STAG3: variants seen among roughly 807,000 people sequenced by gnomAD.
The protein encoded by STAG3 is STAG3 cohesin complex component, also known as cohesin subunit SA-3.
Under a neutral mutation model 160.7 loss-of-function variants are expected in STAG3, and 101 were observed. The ratio of observed to expected loss-of-function variants is 0.63; its 90% CI spans 0.54 to 0.74. STAG3 has a LOEUF of 0.74. STAG3 is among the 30% of genes least tolerant of loss of function. The pLI, the probability that STAG3 is intolerant of heterozygous loss-of-function variation, is 0.00. For missense variants in STAG3, 1,188 were observed against 1,517.4 expected (o/e 0.78, Z 3.61); for synonymous variants, 519 against 585.0 (o/e 0.89, Z 1.63).
At chr7:100,180,115 G>C (rs1050570954) in intron 1 of STAG3, among the ~76,000 whole-genome samples, 5 of 152,044 alleles carry the variant, frequency 3.3e-5, no homozygotes, top group African/African-American at 1.2e-4. Flanking sequence ...GAGTACAGTG[G>C]TGCGATCGTA....
chr7:100,177,839 C>G (rs996677086), upstream of STAG3: 1 of 152,396 alleles, frequency 6.6e-6, no homozygotes, highest in Non-Finnish European at 1.5e-5. Flanking sequence ...TCGCACACTT[C>G]CAAACCTCGC....
In STAG3 at chr7:100,202,509, C is replaced by T; in HGVS notation, c.2619C>T (p.Leu873=). ...QIERLHQRRR[L]LAGFCKLLLY... ...AGCGGCTACACCAGCGGCGCCGCCT[C>T]CTAGCCGGGTTCTGCAAGCTGTTGC... The change falls in exon 25 of 34, where the codon CTC becomes CTT. Residue 873 remains leucine (L), a synonymous_variant. Coordinates refer to ENST00000615138, the MANE Select transcript of STAG3 (RefSeq NM_001282717.2). The T allele has an allele frequency of 1.2e-6, 2 of 1,614,178 alleles. No individual in the cohort carries two copies. Among genetic ancestry groups the T allele is most frequent in the Non-Finnish European group, 1.7e-6 (2 of 1,180,036 alleles).
At chr7:100,199,414 G>A in intron 15 of STAG3, 47 bp downstream of exon 15, 1 of 1,577,314 alleles carries the variant, frequency 6.3e-7, no homozygotes, top group Non-Finnish European at 8.7e-7. Context: ...ACCCCCTAGG[G>A]TGAAACTGGG....
rs551702794 is a variant in STAG3 at position 100,200,534 on chromosome 7, T to A, written c.1852T>A (p.Leu618Met). Reference protein sequence around the residue: ...FDLHIYCTGRLEKHLELFLQQ... With the variant: ...FDLHIYCTGRMEKHLELFLQQ... ...CCTCCACATCTACTGCACTGGGCGC[T>A]TGGAGAAGGTAGGGAGATAGATTTC... Residue 618 changes from leucine to methionine, a missense_variant, in exon 18 of 34, where the codon TTG becomes ATG. Physicochemically the swap from Leu to Met is conservative, Grantham distance 15. Coordinates refer to ENST00000615138, the MANE Select transcript of STAG3 (RefSeq NM_001282717.2). 1.9e-6 allele frequency: 3 copies of A among 1,613,982 alleles called. No individual in the cohort carries two copies. The African/African-American group carries it at 4.0e-5, about 22-fold the overall frequency.
At chr7:100,198,681 G>A in intron 13 of STAG3, 99 bp downstream of exon 13, 1 of 1,307,502 alleles carries the variant, frequency 7.6e-7, no homozygotes, top group Non-Finnish European at 1.1e-6. Context: ...CTCTGTGAAA[G>A]TCTCCCTGGT....
chr7:100,210,835 G>A (rs767526192), intron 29 of STAG3, among the ~76,000 whole-genome samples, 176 bp from the exon 30 acceptor site: 1 of 152,174 alleles, frequency 6.6e-6, no homozygotes, highest in Non-Finnish European at 1.5e-5. Context: ...GGTACATAGG[G>A]CTATGTATTT....
At chr7:100,215,331 T>C (rs1458630760), downstream of STAG3, among the ~76,000 whole-genome samples, 12 of 152,270 alleles carry the variant, frequency 7.9e-5, no homozygotes, top group East Asian at 1.4e-3. Flanking sequence ...CTCGCCCCTT[T>C]CATTCTCCCT....
At chr7:100,180,727 C>A in intron 2 of STAG3, 55 bp downstream of exon 2, 1 of 1,071,886 alleles carries the variant, frequency 9.3e-7, no homozygotes, top group Non-Finnish European at 1.5e-6. Context: ...AGCCTTCCCC[C>A]TCGTTTTCCC....
At position 100,213,798 on chromosome 7, in the gene STAG3, G is replaced by T. The variant is rs776113805; in HGVS notation, c.3664G>T (p.Asp1222Tyr). ...GGACCTCTTAGATTCTACAGAGCTGGATATTGAGGTGAGTGTCCCCAGAGC... is the reference window on the plus strand; with the variant it reads ...GGACCTCTTAGATTCTACAGAGCTGTATATTGAGGTGAGTGTCCCCAGAGC... ...GLDLLDSTEL[D>Y]IEDF Residue 1222 changes from aspartate to tyrosine, a missense_variant, in exon 33 of 34, where the codon GAT becomes TAT. Physicochemically the swap from Asp to Tyr is radical, Grantham distance 160 (BLOSUM62 -3). Transcript: ENST00000615138. 2 of 1,614,120 alleles carry T rather than the reference G, an allele frequency of 1.2e-6. No individual in the cohort carries two copies. The highest frequency in any genetic ancestry group is 2.7e-5 in the African/African-American group (2 of 74,938).
chr7:100,209,934 A>C (rs1317653148), intron 29 of STAG3, among the ~76,000 whole-genome samples: 1 of 152,150 alleles, frequency 6.6e-6, no homozygotes, highest in Non-Finnish European at 1.5e-5. Context: ...TGGCCACAGG[A>C]TTACAGGTGG....
intron 11 of STAG3, 50 bp downstream of exon 11, chr7:100,197,926 T>C: frequency 6.4e-7 from 1 of 1,567,080 alleles, no homozygotes; most frequent in Non-Finnish European, 8.8e-7. Context: ...GGTTCCTATT[T>C]CCCCACCTTG....
At chr7:100,196,394 C>T (rs559409484) in intron 9 of STAG3, among the ~76,000 whole-genome samples, 1 of 152,018 alleles carries the variant, frequency 6.6e-6, no homozygotes, top group East Asian at 2.0e-4. Context: ...GATTCTTCTG[C>T]CTCAGCCTCC....
At chr7:100,179,287 CAT>C (rs1799491867) in intron 1 of STAG3, among the ~76,000 whole-genome samples, 2 of 143,846 alleles carry the variant, frequency 1.4e-5, no homozygotes, top group Non-Finnish European at 3.0e-5. Context: ...GGGTGTGTCT[CAT>C]GTTGCCAAGG....
chr7:100,204,888 G>A (rs1417081463), intron 27 of STAG3, 113 bp downstream of exon 27: 1 of 1,577,816 alleles, frequency 6.3e-7, no homozygotes. Context: ...GTTAGGGGTG[G>A]GTATGCCTTT....
chr7:100,202,018 G>A lies in STAG3; in HGVS notation c.2371G>A (p.Val791Met). 6.2e-7 allele frequency: 1 copy of A among 1,614,182 alleles called. No individual in the cohort carries two copies. The highest frequency in any genetic ancestry group is 2.2e-5 in the East Asian group (1 of 44,882). ...ACTCTGCCAGAGTTGCCTCTCAGAT[G>A]TGGATACTGAGATCCAGGAGCAGGT... The part of the protein sequence containing the change: ...CELCQSCLSD[V>M]DTEIQEQAFV... The change falls in exon 23 of 34, where the codon GTG becomes ATG. Residue 791 changes from valine (V) to methionine (M), a missense_variant. Around this residue, in one of 4 missense-constraint regions of STAG3, gnomAD observed 647 missense variants for 717.2 expected, o/e 0.90. Transcript: ENST00000615138.
At chr7:100,195,645 C>T (rs1284624242) in intron 9 of STAG3, among the ~76,000 whole-genome samples, 3 of 152,158 alleles carry the variant, frequency 2.0e-5, no homozygotes, top group African/African-American at 7.2e-5. Flanking sequence ...GGCTTTGCCC[C>T]AGATCTGCCC....
chr7:100,214,571 C>T (rs1043081137), downstream of STAG3, among the ~76,000 whole-genome samples: 27 of 151,998 alleles, frequency 1.8e-4, no homozygotes, highest in African/African-American at 6.0e-4. Context: ...GTTTGACTGC[C>T]TGTGAGTAGT....
Position 100,214,126 on chromosome 7 carries a change from G to A in STAG3, c.*111G>A. 2 of 1,413,992 alleles carry A rather than the reference G, an allele frequency of 1.4e-6. No homozygotes were observed. The highest frequency in any genetic ancestry group is 2.3e-5 in the East Asian group (1 of 43,886). 87.6% of individuals were successfully genotyped at this position (1,413,992 alleles called of 1,614,324 possible). The stretch of plus-strand genomic sequence containing the variant: ...AAGCATTCCCCCAGGCTTCAGCCCT[G>A]GGCTCTGAGGGGAAAGAGTTGGGCA... On this transcript the variant is annotated 3_prime_UTR_variant, in exon 34 of 34. Coordinates refer to ENST00000615138, the MANE Select transcript of STAG3 (RefSeq NM_001282717.2).
rs750448160 is a variant in STAG3 at position 100,211,552 on chromosome 7, C to T, written c.3518+13C>T. 1.9e-6 allele frequency: 3 copies of T among 1,612,422 alleles called. No individual in the cohort carries two copies. Among genetic ancestry groups the T allele is most frequent in the South Asian group, 2.2e-5 (2 of 91,018 alleles). On this transcript the variant is annotated intron_variant, in intron 31 of 33. Transcript: ENST00000615138. ...ACCAGCTGATGCGGTGAGCTTTTCT[C>T]ATCATCTCCTGTCTTCACTTCAGAT...
Sources: gnomAD v4.1 joint callset for allele counts (sites outside exome capture counted in the v4.1 genomes callset) on GRCh38, gnomAD v4.1.1 for gene constraint, gnomAD v4.1.1 regional missense constraint, MANE v1.5 for transcripts, NCBI Gene and HGNC (gene_info 2026-07-23, HGNC 2026-07-21) for gene names.